The following CSMD1 variants were observed in gnomAD, a reference collection of about 807,000 sequenced individuals.
CSMD1 encodes the protein CUB and Sushi multiple domains 1.
CSMD1 carries 213 observed loss-of-function variants against 417.5 expected under a neutral mutation model. The ratio of observed to expected loss-of-function variants is 0.51; its 90% CI spans 0.46 to 0.57. The LOEUF (loss-of-function observed/expected upper bound fraction) is 0.57, where lower values mean the gene tolerates loss of function less well. Among genes scored for constraint, CSMD1 ranks in the 20% least tolerant of loss-of-function variants. The pLI is 0.00. For synonymous variants in CSMD1, 2,862 were observed against 1,736.8 expected, an observed-to-expected ratio of 1.65 and a Z score of -16.11; for missense variants, 6,923 against 4,529.7, an observed-to-expected ratio of 1.53 and a Z score of -15.17.
chr8:3,017,777 G>T (rs934467960), intron 52 of CSMD1, among the ~76,000 whole-genome samples: 1 of 121,628 alleles, frequency 8.2e-6, no homozygotes, highest in Non-Finnish European at 1.6e-5. Context: ...GAAGCTTAAA[G>T]CTCCCAGTTT....
At position 3,937,271 on chromosome 8, in the gene CSMD1, T is replaced by G. The variant is rs867956708; in HGVS notation, c.818+60632A>C. ...AAGCAGCAGCAGGGTTAGAGAAGAC[T>G]GACTGAATTTTGAAAGAATTTCTCC... On this transcript the variant is annotated intron_variant, in intron 5 of 69. Coordinates refer to ENST00000635120, the MANE Select transcript of CSMD1 (RefSeq NM_033225.6). Among the ~76,000 whole-genome samples, 8 of 144,914 alleles carry G rather than the reference T, an allele frequency of 5.5e-5. No homozygotes were observed. The South Asian group carries it at 1.7e-3, about 30-fold the overall frequency.
chr8:3,898,907 G>A (rs1044410606), intron 5 of CSMD1, among the ~76,000 whole-genome samples: 1 of 152,072 alleles, frequency 6.6e-6, no homozygotes, highest in Non-Finnish European at 1.5e-5. Context: ...ATTTTAAACT[G>A]TAGTGACTCT....
chr8:3,255,773 T>G (rs1055112593), intron 26 of CSMD1, among the ~76,000 whole-genome samples: 5 of 152,124 alleles, frequency 3.3e-5, no homozygotes, highest in African/African-American at 1.2e-4. Context: ...TGTCAACACT[T>G]TCTTTGACTA....
rs1585064089 is a variant in CSMD1 at position 3,369,389 on chromosome 8, G to C, written c.2783-19C>G. On this transcript the variant is annotated intron_variant, in intron 18 of 69. Coordinates refer to ENST00000635120, the MANE Select transcript of CSMD1 (RefSeq NM_033225.6). ...CATAGAGCTTAAAATAATAAAGAGA[G>C]ATGATTACAGCACTAAAGTTTCACA... 1 of 1,194,636 alleles carries C rather than the reference G, an allele frequency of 8.4e-7. No individual in the cohort carries two copies. The highest frequency in any genetic ancestry group is 1.2e-6 in the Non-Finnish European group (1 of 807,460). The allele number at this position is 1,194,636 out of a possible 1,614,324, so 74.0% of individuals were successfully genotyped here.
intron 3 of CSMD1, among the ~76,000 whole-genome samples, chr8:4,273,645 A>C (rs1804741166): frequency 6.6e-6 from 1 of 152,170 alleles, no homozygotes; most frequent in African/African-American, 2.4e-5. Context: ...AGAAACTCTA[A>C]TAGAGAGCAG....
At chr8:3,101,242 C>A (rs1443678900) in intron 46 of CSMD1, among the ~76,000 whole-genome samples, 1 of 152,160 alleles carries the variant, frequency 6.6e-6, no homozygotes, top group Non-Finnish European at 1.5e-5. Context: ...AGGAAGCCAT[C>A]TCCTCCTTTT....
chr8:3,884,558 G>C (rs999017197), intron 5 of CSMD1, among the ~76,000 whole-genome samples: 5 of 152,064 alleles, frequency 3.3e-5, no homozygotes, highest in Non-Finnish European at 7.4e-5. Context: ...GATATACCTG[G>C]GTGTGGAATT....
chr8:4,977,641 A>G (rs1810640752), intron 1 of CSMD1, among the ~76,000 whole-genome samples: 4 of 152,110 alleles, frequency 2.6e-5, no homozygotes, highest in Admixed American at 2.6e-4. Context: ...GCCTTACCCC[A>G]CGTGCAGACC....
chr8:3,090,657 C>A (rs1277699932), intron 48 of CSMD1, among the ~76,000 whole-genome samples: 1 of 152,180 alleles, frequency 6.6e-6, no homozygotes, highest in Non-Finnish European at 1.5e-5. Context: ...AATAAACAAT[C>A]CTCCGTCAGC....
intron 5 of CSMD1, among the ~76,000 whole-genome samples, chr8:3,785,599 C>G (rs1219224622): frequency 2.6e-5 from 4 of 152,170 alleles, no homozygotes; most frequent in Admixed American, 2.6e-4. Flanking sequence ...ATCATTTGAT[C>G]TCATTTATAA....
chr8:3,347,613 G>C (rs1808100295), intron 22 of CSMD1, among the ~76,000 whole-genome samples: 1 of 152,170 alleles, frequency 6.6e-6, no homozygotes, highest in African/African-American at 2.4e-5. Context: ...TTACAACTAT[G>C]TGCTAGACAC....
chr8:4,373,548 A>G (rs1216001766), intron 3 of CSMD1, among the ~76,000 whole-genome samples: 1 of 152,222 alleles, frequency 6.6e-6, no homozygotes, highest in Non-Finnish European at 1.5e-5. Flanking sequence ...CACTTCTATT[A>G]CGTACTCAAC....
At chr8:3,668,810 T>A (rs569309489) in intron 7 of CSMD1, among the ~76,000 whole-genome samples, 1 of 152,124 alleles carries the variant, frequency 6.6e-6, no homozygotes. Flanking sequence ...CCTTAGACAA[T>A]TTGCTGTTAA....
chr8:4,918,404 T>A (rs955556578), intron 1 of CSMD1, among the ~76,000 whole-genome samples: 2 of 152,226 alleles, frequency 1.3e-5, no homozygotes, highest in African/African-American at 4.8e-5. Flanking sequence ...TTTCTGCCGA[T>A]TCTTGCACAA....
chr8:3,765,135 T>C (rs1451903756), intron 5 of CSMD1, among the ~76,000 whole-genome samples: 54 of 152,188 alleles, frequency 3.5e-4, no homozygotes, highest in Admixed American at 3.5e-3. Flanking sequence ...CCCTTTATAA[T>C]ATGAATCGAT....
At chr8:4,548,121 T>C (rs1286825716) in intron 2 of CSMD1, among the ~76,000 whole-genome samples, 1 of 151,954 alleles carries the variant, frequency 6.6e-6, no homozygotes, top group Non-Finnish European at 1.5e-5. Flanking sequence ...TTTGCTTTGA[T>C]GATGATACTG....
chr8:4,279,109 C>T (rs575689821), intron 3 of CSMD1, among the ~76,000 whole-genome samples: 2 of 152,154 alleles, frequency 1.3e-5, no homozygotes, highest in African/African-American at 2.4e-5. Flanking sequence ...AAACACCAAC[C>T]GTATTAGCAA....
Position 3,472,152 on chromosome 8 carries a change from G to A in CSMD1, c.1449-3328C>T, listed in dbSNP as rs988121457. 2.6e-5 allele frequency among the ~76,000 whole-genome samples: 4 copies of A among 151,950 alleles called. No homozygotes were observed. The Middle Eastern group carries it at 9.5e-3, about 361-fold the overall frequency. Reference sequence around the variant, plus strand: ...GATAATGCTTGTAAAGTGACTCAAGGGTTCTTGGCTCTTTTAACCCAATAA... The same window carrying A: ...GATAATGCTTGTAAAGTGACTCAAGAGTTCTTGGCTCTTTTAACCCAATAA... On this transcript the variant is annotated intron_variant, in intron 11 of 69. Coordinates refer to ENST00000635120, the MANE Select transcript of CSMD1 (RefSeq NM_033225.6).
chr8:4,654,406 A>G (rs1804097070), intron 1 of CSMD1, among the ~76,000 whole-genome samples: 1 of 152,078 alleles, frequency 6.6e-6, no homozygotes, highest in Admixed American at 6.5e-5. Context: ...ATTCTGGGGA[A>G]GTAGAGCAAA....
Sources: gnomAD v4.1 joint callset for allele counts (sites outside exome capture counted in the v4.1 genomes callset) on GRCh38, gnomAD v4.1.1 for gene constraint, MANE v1.5 for transcripts, NCBI Gene and HGNC (gene_info 2026-07-23, HGNC 2026-07-21) for gene names.